RPS6KL1: variants seen among roughly 807,000 people sequenced by gnomAD.
RPS6KL1 encodes the protein ribosomal protein S6 kinase like 1.
A neutral mutation model predicts 57.0 loss-of-function variants in RPS6KL1; 41 were observed. The ratio of observed to expected loss-of-function variants is 0.72; its 90% CI spans 0.56 to 0.93. The LOEUF is 0.93. Ranked by LOEUF, RPS6KL1 falls within the 40% of genes least tolerant of loss-of-function variation. RPS6KL1 has a pLI of 0.00. For missense variants in RPS6KL1, 697 were observed against 727.7 expected (o/e 0.96, Z 0.49); for synonymous variants, 287 against 309.7 (o/e 0.93, Z 0.77).
rs1384898595 is a variant in RPS6KL1, at chr14:74,906,406, G to C, written c.*608C>G. 3.3e-6 allele frequency: 1 copy of C among 304,432 alleles called. No homozygotes were observed. Among genetic ancestry groups the C allele is most frequent in the South Asian group, 2.3e-5 (1 of 43,734 alleles). The allele number at this position is 304,432 out of a possible 1,614,324, so 18.9% of individuals were successfully genotyped here. ...GATAGGGGGCATGGTCAGGAATCGG[G>C]GGTGGGGGGGTGGGGGTGGGGGTCA... On this transcript the variant is annotated 3_prime_UTR_variant, in exon 12 of 12. Coordinates refer to ENST00000557413, the MANE Select transcript of RPS6KL1 (RefSeq NM_031464.5).
At chr14:74,921,238 T>TGGCCCCCCCCCCCCCCCCCCCCCCC in intron 3 of RPS6KL1, 39 bp downstream of exon 3, 1 of 840,168 alleles carries the variant, frequency 1.2e-6, no homozygotes, top group Non-Finnish European at 2.0e-6. Flanking sequence ...CACTGGCCCT[T>TGGCCCCCCCCCCCCCCCCCCCCCCC]CCCCACCCAC....
At chr14:74,911,180 G>T (rs750006316) in intron 7 of RPS6KL1, 68 bp downstream of exon 7, 1 of 1,511,516 alleles carries the variant, frequency 6.6e-7, no homozygotes, top group Non-Finnish European at 9.1e-7. Flanking sequence ...CCAGGGCTCC[G>T]CATTTTAAGG....
intron 5 of RPS6KL1, among the ~76,000 whole-genome samples, chr14:74,917,130 C>T (rs1347627303): frequency 6.6e-6 from 1 of 152,184 alleles, no homozygotes; most frequent in East Asian, 1.9e-4. Flanking sequence ...GAGTAAGGCC[C>T]GGGAGCAGAA....
Position 74,919,898 on chromosome 14 carries a change from TCTC to T in RPS6KL1, c.334_336del (p.Glu112del), listed in dbSNP as rs747430203. On this transcript the variant is annotated inframe_deletion, in exon 4 of 12. Transcript: ENST00000557413. ...GGCCGCTGCAGGTGGCAGTTGAAGATCTCCTCTGCCCGCCGCAGGTATTTGGTA... is the reference window on the plus strand; with the variant it reads ...GGCCGCTGCAGGTGGCAGTTGAAGATCTCTGCCCGCCGCAGGTATTTGGTA... The T allele has an allele frequency of 3.0e-5, 49 of 1,613,774 alleles. No individual in the cohort carries two copies. The Admixed American group carries it at 8.0e-4, about 26-fold the overall frequency.
intron 2 of RPS6KL1, chr14:74,921,772 C>CTTTT: frequency 3.5e-6 from 3 of 863,442 alleles, no homozygotes; most frequent in Non-Finnish European, 4.4e-6. Flanking sequence ...ATTCTGTTTT[C>CTTTT]TTTTCTTTTT....
chr14:74,916,408 G>A (rs548200606), intron 5 of RPS6KL1, among the ~76,000 whole-genome samples: 58 of 152,296 alleles, frequency 3.8e-4, no homozygotes, highest in African/African-American at 1.3e-3. Flanking sequence ...AGAATGCGGC[G>A]GGCCACTGGC....
At chr14:74,922,860 C>T (rs1888064370) in intron 1 of RPS6KL1, among the ~76,000 whole-genome samples, 1 of 152,212 alleles carries the variant, frequency 6.6e-6, no homozygotes, top group Non-Finnish European at 1.5e-5. Flanking sequence ...CCCACAGCCT[C>T]AGCCGGCGGG....
At chr14:74,911,885 C>T in intron 5 of RPS6KL1, 44 bp from the exon 6 acceptor site, 1 of 1,536,476 alleles carries the variant, frequency 6.5e-7, no homozygotes, top group Non-Finnish European at 8.8e-7. Flanking sequence ...GTACTAGCTC[C>T]TGGGGCTCCG....
intron 11 of RPS6KL1, 125 bp downstream of exon 11, chr14:74,907,310 A>G (rs4899538): frequency 0.16 from 228,358 of 1,455,572 alleles, 19,457 homozygotes; most frequent in South Asian, 0.29. Flanking sequence ...TGTTGCCCCT[A>G]CTGCCCTCTG....
chr14:74,911,078 G>C (rs1334121691), intron 7 of RPS6KL1, 170 bp downstream of exon 7: 6 of 605,272 alleles, frequency 9.9e-6, no homozygotes, highest in South Asian at 3.4e-5. Flanking sequence ...CACTATGTTG[G>C]CCAGGCTGGT....
rs1884840457 is a variant in RPS6KL1 at position 74,906,410 on chromosome 14, GGGGGGGT to G, written c.*597_*603del. On this transcript the variant is annotated 3_prime_UTR_variant, in exon 12 of 12. Coordinates refer to ENST00000557413, the MANE Select transcript of RPS6KL1 (RefSeq NM_031464.5). Reference sequence around the variant, plus strand: ...GGGGGCATGGTCAGGAATCGGGGGTGGGGGGGTGGGGGTGGGGGTCATCCTGTCCCCT... The same window carrying G: ...GGGGGCATGGTCAGGAATCGGGGGTGGGGGGTGGGGGTCATCCTGTCCCCT... 7.6e-5 allele frequency: 17 copies of G among 224,892 alleles called. 1 individual carries two copies. Among genetic ancestry groups the G allele is most frequent in the African/African-American group, 3.0e-4 (3 of 9,890 alleles). 13.9% of individuals were successfully genotyped at this position (224,892 alleles called of 1,614,324 possible).
chr14:74,917,721 T>C lies in RPS6KL1; in HGVS notation c.483+792A>G, dbSNP rs148231724. 9.3e-4 allele frequency among the ~76,000 whole-genome samples: 142 copies of C among 152,056 alleles called. 2 individuals carry two copies. The highest frequency in any genetic ancestry group is 3.3e-3 in the African/African-American group (136 of 41,456). ...ATAAGGCAAAGCATGCGAGATAGCA[T>C]TGGGACAGGGTAAAGTTACAGTTAG... On this transcript the variant is annotated intron_variant, in intron 5 of 11. Transcript: ENST00000557413.
In RPS6KL1 at chr14:74,906,335, T is replaced by C. The variant is rs1465322859; in HGVS notation, c.*679A>G. 2 of 347,432 alleles carry C rather than the reference T, an allele frequency of 5.8e-6. No homozygotes were observed. The highest frequency in any genetic ancestry group is 4.4e-5 in the African/African-American group (2 of 45,540). 21.5% of individuals were successfully genotyped at this position (347,432 alleles called of 1,614,324 possible). On this transcript the variant is annotated 3_prime_UTR_variant, in exon 12 of 12. Coordinates refer to ENST00000557413, the MANE Select transcript of RPS6KL1 (RefSeq NM_031464.5). ...GCATTCCTTCCTCCCCCCATTACTC[T>C]TATTTTCTTCCCCTCCCTTTTGCTC...
chr14:74,913,747 A>G (rs1045093485), intron 5 of RPS6KL1, among the ~76,000 whole-genome samples: 1 of 152,174 alleles, frequency 6.6e-6, no homozygotes, highest in African/African-American at 2.4e-5. Flanking sequence ...TAAAGCAGGC[A>G]ATTCAGGCAG....
Position 74,907,138 on chromosome 14 carries a change from C to T in RPS6KL1, c.1540-14G>A. 1 of 1,597,400 alleles carries T rather than the reference C, an allele frequency of 6.3e-7. No individual in the cohort carries two copies. The highest frequency in any genetic ancestry group is 8.5e-7 in the Non-Finnish European group (1 of 1,170,526). On this transcript the variant is annotated splice_polypyrimidine_tract_variant and intron_variant, in intron 11 of 11. Transcript: ENST00000557413. ...GAACTGCAGCAGCTGCAGAGAGAGG[C>T]CCAGTCAGCTGGGCCACTCCAGCTG...
chr14:74,913,266 C>A (rs1886319013), intron 5 of RPS6KL1, among the ~76,000 whole-genome samples: 1 of 152,206 alleles, frequency 6.6e-6, no homozygotes, highest in Non-Finnish European at 1.5e-5. Context: ...TCTGAAAGCC[C>A]TTGGTGAGGG....
intron 5 of RPS6KL1, among the ~76,000 whole-genome samples, chr14:74,916,802 A>T (rs1239696632): frequency 6.6e-6 from 1 of 152,230 alleles, no homozygotes; most frequent in Non-Finnish European, 1.5e-5. Flanking sequence ...ATTCTGTGTC[A>T]CAGTGTACAT....
Position 74,906,300 on chromosome 14 carries a change from G to A in RPS6KL1, c.*714C>T. 5.8e-6 allele frequency: 2 copies of A among 347,418 alleles called. No homozygotes were observed. The highest frequency in any genetic ancestry group is 4.2e-5 in the South Asian group (2 of 47,208). 21.5% of individuals were successfully genotyped at this position (347,418 alleles called of 1,614,324 possible). On this transcript the variant is annotated 3_prime_UTR_variant, in exon 12 of 12. Transcript: ENST00000557413. ...TCTGGTTTCAGACTTGCTCTAAGGG[G>A]CAGACCCATGCATTCCTTCCTCCCC...
intron 5 of RPS6KL1, among the ~76,000 whole-genome samples, chr14:74,916,483 G>A (rs547639282): frequency 6.6e-5 from 10 of 152,340 alleles, no homozygotes; most frequent in Middle Eastern, 3.4e-3. Flanking sequence ...CTGAGGCAAG[G>A]AGTTCGAGAC....
Sources: gnomAD v4.1 joint callset for allele counts (sites outside exome capture counted in the v4.1 genomes callset) on GRCh38, gnomAD v4.1.1 for gene constraint, MANE v1.5 for transcripts, NCBI Gene and HGNC (gene_info 2026-07-23, HGNC 2026-07-21) for gene names.